The following FRMD3 variants were observed in gnomAD, a reference collection of about 807,000 sequenced individuals.
The protein encoded by FRMD3 is FERM domain-containing protein 3.
FRMD3 carries 33 observed loss-of-function variants against 70.2 expected under a neutral mutation model. That is an observed-to-expected ratio of 0.47 (90% CI 0.36 to 0.63). The LOEUF is 0.63. Ranked by LOEUF, FRMD3 falls within the 20% of genes least tolerant of loss-of-function variation. The pLI is 0.00. For synonymous variants in FRMD3, 279 were observed against 255.9 expected (o/e 1.09, Z -0.86); for missense variants, 632 against 711.4 (o/e 0.89, Z 1.27).
At chr9:83,510,502 A>G (rs1829315110) in intron 1 of FRMD3, among the ~76,000 whole-genome samples, 1 of 152,198 alleles carries the variant, frequency 6.6e-6, no homozygotes. Context: ...GAGTTACCAC[A>G]TGCCCCAGCA....
chr9:83,396,458 T>C (rs368371427), intron 1 of FRMD3, among the ~76,000 whole-genome samples: 1 of 152,184 alleles, frequency 6.6e-6, no homozygotes, highest in African/African-American at 2.4e-5. Context: ...ACACACATGG[T>C]ACAGGCATAA....
chr9:83,388,785 A>G (rs766959099), intron 2 of FRMD3, among the ~76,000 whole-genome samples: 21 of 152,164 alleles, frequency 1.4e-4, no homozygotes, highest in Non-Finnish European at 2.6e-4. Flanking sequence ...TGTTGAAAAA[A>G]ACTGAGGTGA....
chr9:83,294,923 T>C (rs1173686919), intron 12 of FRMD3, among the ~76,000 whole-genome samples: 3 of 152,196 alleles, frequency 2.0e-5, no homozygotes, highest in Non-Finnish European at 4.4e-5. Flanking sequence ...ACTCTGCCTT[T>C]CCACCTGAAC....
At chr9:83,417,465 T>A (rs1303566591) in intron 1 of FRMD3, among the ~76,000 whole-genome samples, 1 of 152,230 alleles carries the variant, frequency 6.6e-6, no homozygotes, top group African/African-American at 2.4e-5. Context: ...TAATGAGTGA[T>A]GACTCATAGC....
At chr9:83,243,021 T>C, downstream of FRMD3, 1 of 628,322 alleles carries the variant, frequency 1.6e-6, no homozygotes, top group Non-Finnish European at 2.8e-6. Context: ...ATTAATGGAT[T>C]GGAGAGCACA....
intron 4 of FRMD3, among the ~76,000 whole-genome samples, chr9:83,347,357 A>G (rs1428393646): frequency 2.0e-5 from 3 of 152,250 alleles, no homozygotes; most frequent in Admixed American, 6.5e-5. Context: ...ATTCCTGCAT[A>G]AAAAGATTAA....
At chr9:83,467,759 G>A in intron 1 of FRMD3, 1 of 1,498,744 alleles carries the variant, frequency 6.7e-7, no homozygotes, top group Non-Finnish European at 8.9e-7. Flanking sequence ...TAAGCTCGCT[G>A]CAGTTTGAAT....
chr9:83,272,289 G>A (rs1161434973), intron 13 of FRMD3, among the ~76,000 whole-genome samples: 15 of 151,310 alleles, frequency 9.9e-5, no homozygotes, highest in Non-Finnish European at 2.2e-4. Context: ...TTTTTTTTTG[G>A]TGGAGACGGG....
intron 13 of FRMD3, among the ~76,000 whole-genome samples, chr9:83,284,739 T>C (rs930448325): frequency 8.6e-5 from 13 of 152,042 alleles, no homozygotes; most frequent in African/African-American, 3.1e-4. Context: ...GCCATAAGAA[T>C]AGGGTAAATT....
At chr9:83,428,933 T>C (rs1213475404) in intron 1 of FRMD3, among the ~76,000 whole-genome samples, 1 of 152,108 alleles carries the variant, frequency 6.6e-6, no homozygotes, top group African/African-American at 2.4e-5. Flanking sequence ...GATATGTAGA[T>C]CTACTCTTCA....
At chr9:83,426,432 T>C (rs1344340919) in intron 1 of FRMD3, among the ~76,000 whole-genome samples, 1 of 152,210 alleles carries the variant, frequency 6.6e-6, no homozygotes, top group Non-Finnish European at 1.5e-5. Flanking sequence ...TCTGATACAA[T>C]GTGAGAGGCA....
intron 1 of FRMD3, among the ~76,000 whole-genome samples, chr9:83,395,201 T>A (rs1825777772): frequency 6.6e-6 from 1 of 151,076 alleles, no homozygotes; most frequent in East Asian, 1.9e-4. Flanking sequence ...TTTGTCTCAA[T>A]TTTACAGATC....
At chr9:83,483,417 T>C (rs532170199) in intron 1 of FRMD3, among the ~76,000 whole-genome samples, 43 of 152,294 alleles carry the variant, frequency 2.8e-4, no homozygotes, top group African/African-American at 1.0e-3. Flanking sequence ...GAGAATGAAC[T>C]AAAACAGAGT....
In FRMD3 at chr9:83,465,904, C is replaced by G. The variant is rs561580910; in HGVS notation, c.147+72181G>C. Among the ~76,000 whole-genome samples, 10 of 152,326 alleles carry G rather than the reference C, an allele frequency of 6.6e-5. No individual in the cohort carries two copies. In the South Asian group the frequency reaches 2.1e-3, roughly 32 times the overall value. ...TTAAACTGATCAACAACAAAACTCA[C>G]AATTAGGCTCTTTAGATAAATCAGG... is the stretch of plus-strand genomic sequence containing the variant. On this transcript the variant is annotated intron_variant, in intron 1 of 13. Coordinates refer to ENST00000304195, the MANE Select transcript of FRMD3 (RefSeq NM_174938.6).
intron 1 of FRMD3, among the ~76,000 whole-genome samples, chr9:83,518,337 C>T (rs7046729): frequency 0.42 from 64,416 of 151,962 alleles, 14,289 homozygotes; most frequent in Non-Finnish European, 0.49. Context: ...CATTCCTATA[C>T]ACCAATAATA....
intron 13 of FRMD3, among the ~76,000 whole-genome samples, chr9:83,251,862 G>A (rs542679901): frequency 2.0e-5 from 3 of 152,254 alleles, no homozygotes; most frequent in South Asian, 2.1e-4. Flanking sequence ...AGAAATATGC[G>A]ATTATGTGAA....
chr9:83,290,703 A>C lies in FRMD3; in HGVS notation c.1095T>G (p.Ser365Arg), dbSNP rs750898848. ...VHRANITQSR[S>R]SHSLNKQLII... ...TGAGCTGTTTGTTCAAGGAGTGGGA[A>C]CTGCGGCTCTGAGTAATGTTGGCTC... is the stretch of plus-strand genomic sequence containing the variant. Residue 365 changes from serine (S) to arginine (R), a missense_variant, in exon 13 of 14, where the codon AGT becomes AGG. This residue lies in a region of FRMD3 where 418 missense variants were observed against 442.1 expected (regional missense o/e 0.95). Coordinates refer to ENST00000304195, the MANE Select transcript of FRMD3 (RefSeq NM_174938.6). The C allele has an allele frequency of 1.9e-6, 3 of 1,613,032 alleles. No homozygotes were observed. Among genetic ancestry groups the C allele is most frequent in the South Asian group, 2.2e-5 (2 of 90,946 alleles).
intron 1 of FRMD3, among the ~76,000 whole-genome samples, chr9:83,399,553 G>C (rs555716249): frequency 2.2e-4 from 33 of 152,234 alleles, no homozygotes; most frequent in African/African-American, 7.9e-4. Context: ...ACTCACATCA[G>C]AATAATCTAG....
chr9:83,553,461 C>A, the FRMD3 span, among the ~76,000 whole-genome samples: 1 of 152,154 alleles, frequency 6.6e-6, no homozygotes, highest in Non-Finnish European at 1.5e-5. Flanking sequence ...TGGGGATGAT[C>A]TTCTTGTGTA....
Sources: gnomAD v4.1 joint callset for allele counts (sites outside exome capture counted in the v4.1 genomes callset) on GRCh38, gnomAD v4.1.1 for gene constraint, gnomAD v4.1.1 regional missense constraint, MANE v1.5 for transcripts, NCBI Gene and HGNC (gene_info 2026-07-23, HGNC 2026-07-21) for gene names.